MEIOB: variants seen among roughly 807,000 people sequenced by gnomAD.
MEIOB encodes the protein meiosis-specific with OB domain-containing protein.
In MEIOB, 50 loss-of-function variants were observed where a neutral mutation model predicts 53.1. The observed-to-expected ratio is 0.94, with a 90% confidence interval of 0.75 to 1.19. MEIOB has a LOEUF of 1.19. MEIOB is among the 50% of genes most tolerant of loss of function. The pLI, the probability that MEIOB is intolerant of heterozygous loss-of-function variation, is 0.00. For synonymous variants in MEIOB, 192 were observed against 182.5 expected (o/e 1.05, Z -0.42); for missense variants, 551 against 550.8 (o/e 1.00, Z 0.00).
intron 7 of MEIOB, 142 bp downstream of exon 7, chr16:1,853,958 G>C (rs181187963): frequency 1.1e-5 from 7 of 641,544 alleles, no homozygotes; most frequent in South Asian, 3.7e-5. Context: ...ACATTCAAGA[G>C]TGAGATTTAT....
At chr16:1,838,450 G>C (rs966667370) in intron 12 of MEIOB, among the ~76,000 whole-genome samples, 1 of 152,126 alleles carries the variant, frequency 6.6e-6, no homozygotes, top group Non-Finnish European at 1.5e-5. Context: ...TTCATGAGCT[G>C]GTTTTAACAA....
intron 3 of MEIOB, among the ~76,000 whole-genome samples, chr16:1,864,960 G>A (rs1331715116): frequency 6.6e-6 from 1 of 152,002 alleles, no homozygotes; most frequent in Non-Finnish European, 1.5e-5. Context: ...TAAAGTGCAG[G>A]CACAAATGAT....
chr16:1,861,010 T>C (rs1899427378), intron 4 of MEIOB, among the ~76,000 whole-genome samples: 1 of 152,314 alleles, frequency 6.6e-6, no homozygotes, highest in South Asian at 2.1e-4. Context: ...AAGTTATCTG[T>C]TGAGTGACTA....
intron 13 of MEIOB, among the ~76,000 whole-genome samples, chr16:1,835,548 A>G (rs1437101026): frequency 6.6e-6 from 1 of 152,204 alleles, no homozygotes; most frequent in Non-Finnish European, 1.5e-5. Context: ...AAAGACTTTA[A>G]GTGGGCAATA....
chr16:1,860,570 T>C (rs1899416442), intron 4 of MEIOB, 95 bp from the exon 5 acceptor site: 1 of 728,750 alleles, frequency 1.4e-6, no homozygotes. Flanking sequence ...ATGATCATCA[T>C]CGACTCTAGG....
In MEIOB at chr16:1,842,732, C is replaced by T. The variant is rs190221363; in HGVS notation, c.881-759G>A. Among the ~76,000 whole-genome samples the T allele has an allele frequency of 2.7e-3, 408 of 150,820 alleles. 1 individual carries two copies. The highest frequency in any genetic ancestry group is 4.7e-3 in the Non-Finnish European group (319 of 67,768). On this transcript the variant is annotated intron_variant, in intron 10 of 13. Coordinates refer to ENST00000325962, the MANE Select transcript of MEIOB (RefSeq NM_001163560.3). The stretch of plus-strand genomic sequence containing the variant: ...AGGCGGTAGTGCAGTGGCGCGATCT[C>T]GGCTCACTGCAAGCTCCGCCTCCCA...
At chr16:1,871,243 A>G (rs985635166) in intron 1 of MEIOB, among the ~76,000 whole-genome samples, 7 of 135,210 alleles carry the variant, frequency 5.2e-5, no homozygotes, top group Middle Eastern at 3.8e-3. Flanking sequence ...TTTTTGAGAC[A>G]GAGTCTTGCT....
Position 1,860,429 on chromosome 16 carries a change from T to A in MEIOB, c.306A>T (p.Glu102Asp). Residue 102 changes from glutamate to aspartate, a missense_variant, in exon 5 of 14, where the codon GAA (glutamate) becomes GAT (aspartate). Glu to Asp is a conservative substitution (Grantham distance 45, BLOSUM62 2). Coordinates refer to ENST00000325962, the MANE Select transcript of MEIOB (RefSeq NM_001163560.3). The part of the protein sequence containing the change: ...PLIQRKEIER[E>D]EKFSPATPSN... ...TAGGAGTTGCAGGGCTGAATTTTTC[T>A]TCTCTTTCTATTTCCTTTCTTTGGA... 6.5e-7 allele frequency: 1 copy of A among 1,547,034 alleles called. No homozygotes were observed. Among genetic ancestry groups the A allele is most frequent in the Non-Finnish European group, 8.7e-7 (1 of 1,143,080 alleles).
At chr16:1,858,636 T>C (rs368885877) in intron 5 of MEIOB, among the ~76,000 whole-genome samples, 8 of 152,190 alleles carry the variant, frequency 5.3e-5, no homozygotes, top group African/African-American at 1.7e-4. Context: ...AAGACCATCA[T>C]TGTGGCTACC....
At chr16:1,848,956 G>C (rs543479614) in intron 9 of MEIOB, among the ~76,000 whole-genome samples, 3 of 152,280 alleles carry the variant, frequency 2.0e-5, no homozygotes, top group South Asian at 4.1e-4. Context: ...TCAGGGGAGA[G>C]GGTCATAAGC....
intron 13 of MEIOB, among the ~76,000 whole-genome samples, chr16:1,835,145 C>G (rs1898707672): frequency 1.3e-5 from 2 of 151,936 alleles, no homozygotes; most frequent in East Asian, 3.9e-4. Flanking sequence ...GTCCCAGCTA[C>G]TCGGTGGCTG....
At chr16:1,847,298 CTAAAAATG>C (rs1012962369) in intron 9 of MEIOB, among the ~76,000 whole-genome samples, 2 of 151,730 alleles carry the variant, frequency 1.3e-5, no homozygotes, top group African/African-American at 2.4e-5. Flanking sequence ...CCCGTCTCTA[CTAAAAATG>C]TAAAAATTAG....
In MEIOB at chr16:1,859,714, G is replaced by A. The variant is rs564810174; in HGVS notation, c.332+689C>T. ...GGTGGGAACGGGTCACAGTTGATGC[G>A]AGTGTAAATGCTGTAGACTGCTGTG... On this transcript the variant is annotated intron_variant, in intron 5 of 13. Coordinates refer to ENST00000325962, the MANE Select transcript of MEIOB (RefSeq NM_001163560.3). Among the ~76,000 whole-genome samples the A allele has an allele frequency of 3.3e-5, 5 of 152,228 alleles. No individual in the cohort carries two copies. The South Asian group carries it at 8.3e-4, about 25-fold the overall frequency.
intron 6 of MEIOB, among the ~76,000 whole-genome samples, chr16:1,855,672 C>G (rs967378617): frequency 2.6e-5 from 4 of 152,162 alleles, no homozygotes; most frequent in African/African-American, 7.2e-5. Context: ...AAATCGCAAA[C>G]AATTGAGCAC....
At chr16:1,864,349 G>A (rs1253005662) in intron 3 of MEIOB, among the ~76,000 whole-genome samples, 1 of 152,088 alleles carries the variant, frequency 6.6e-6, no homozygotes, top group African/African-American at 2.4e-5. Flanking sequence ...TATGTACAAT[G>A]TTTTAAGTCA....
intron 9 of MEIOB, among the ~76,000 whole-genome samples, chr16:1,848,544 C>T (rs200012881): frequency 0.14 from 17,541 of 129,544 alleles, 1,369 homozygotes; most frequent in East Asian, 0.25. Context: ...TTTTTTTTTC[C>T]TTTTTTTTTT....
At chr16:1,840,513 G>A (rs571584192) in intron 11 of MEIOB, among the ~76,000 whole-genome samples, 4 of 151,328 alleles carry the variant, frequency 2.6e-5, no homozygotes, top group South Asian at 4.2e-4. Flanking sequence ...TGGGGGAAAC[G>A]GGGCAAAAGC....
chr16:1,867,564 C>T (rs1367311189), intron 2 of MEIOB, among the ~76,000 whole-genome samples: 1 of 143,344 alleles, frequency 7.0e-6, no homozygotes, highest in Admixed American at 7.4e-5. Context: ...AGACCGCCTT[C>T]TGGCTTCAAG....
chr16:1,855,863 T>A (rs1899286179), intron 6 of MEIOB, among the ~76,000 whole-genome samples: 1 of 151,900 alleles, frequency 6.6e-6, no homozygotes, highest in African/African-American at 2.4e-5. Flanking sequence ...GTTCTCTCAG[T>A]CACCATTTAA....
Sources: allele counts gnomAD v4.1 joint callset (sites outside exome capture counted in the v4.1 genomes callset), GRCh38; gene constraint gnomAD v4.1.1; transcripts MANE v1.5; gene names NCBI Gene and HGNC (gene_info 2026-07-23, HGNC 2026-07-21).